PTPRN2: variants seen among roughly 807,000 people sequenced by gnomAD.
The protein encoded by PTPRN2 is protein tyrosine phosphatase receptor type N2, also known as receptor-type tyrosine-protein phosphatase N2.
Under a neutral mutation model 118.8 loss-of-function variants are expected in PTPRN2, and 74 were observed. The ratio of observed to expected loss-of-function variants is 0.62; its 90% CI spans 0.52 to 0.76. PTPRN2 has a LOEUF of 0.76. PTPRN2 is among the 30% of genes least tolerant of loss of function. The pLI is 0.00. For synonymous variants in PTPRN2, 641 were observed against 608.0 expected, an observed-to-expected ratio of 1.05 and a Z score of -0.80; for missense variants, 1,481 against 1,394.4, an observed-to-expected ratio of 1.06 and a Z score of -0.99.
At chr7:157,872,226 T>A (rs1386411261) in intron 12 of PTPRN2, among the ~76,000 whole-genome samples, 1 of 106,388 alleles carries the variant, frequency 9.4e-6, no homozygotes, top group Non-Finnish European at 1.8e-5. Flanking sequence ...CATACACACA[T>A]ACCCAGTGTC....
intron 1 of PTPRN2, among the ~76,000 whole-genome samples, chr7:158,524,604 T>C (rs1344378694): frequency 6.6e-6 from 1 of 152,034 alleles, no homozygotes; most frequent in Non-Finnish European, 1.5e-5. Flanking sequence ...AAGCTGTTGG[T>C]TGTTATGGTC....
chr7:158,079,726 T>C (rs1471004550), intron 11 of PTPRN2, among the ~76,000 whole-genome samples: 1 of 152,208 alleles, frequency 6.6e-6, no homozygotes, highest in Non-Finnish European at 1.5e-5. Context: ...ACAGATGCCA[T>C]GGAGGGAGGG....
chr7:157,902,038 C>T (rs1797491962), intron 11 of PTPRN2, among the ~76,000 whole-genome samples: 2 of 152,228 alleles, frequency 1.3e-5, no homozygotes, highest in South Asian at 4.1e-4. Flanking sequence ...ACACTTCCCC[C>T]AGCTGAAGTG....
intron 12 of PTPRN2, among the ~76,000 whole-genome samples, chr7:157,731,159 C>T (rs1799877068): frequency 1.3e-5 from 2 of 152,158 alleles, no homozygotes; most frequent in South Asian, 4.1e-4. Context: ...TCCTGCTAAC[C>T]TCGTCCAGTT....
At chr7:158,238,427 C>G (rs1313618055) in intron 3 of PTPRN2, among the ~76,000 whole-genome samples, 2 of 152,166 alleles carry the variant, frequency 1.3e-5, no homozygotes, top group Non-Finnish European at 2.9e-5. Context: ...AAGGAAGCCA[C>G]AGCAAGGCTT....
intron 3 of PTPRN2, among the ~76,000 whole-genome samples, chr7:158,293,167 G>A (rs1268125170): frequency 6.6e-6 from 1 of 152,074 alleles, no homozygotes; most frequent in African/African-American, 2.4e-5. Flanking sequence ...GGGTGGGGTG[G>A]GTGAGTGTGA....
intron 11 of PTPRN2, among the ~76,000 whole-genome samples, chr7:158,007,438 A>T (rs1297508932): frequency 6.6e-6 from 1 of 152,124 alleles, no homozygotes; most frequent in Non-Finnish European, 1.5e-5. Flanking sequence ...AGGAGAGAGG[A>T]CAAGGGGAGA....
At chr7:157,985,792 C>T (rs1041685384) in intron 11 of PTPRN2, among the ~76,000 whole-genome samples, 3 of 152,166 alleles carry the variant, frequency 2.0e-5, no homozygotes, top group Non-Finnish European at 2.9e-5. Flanking sequence ...CATCCAAATC[C>T]GGAGAGCAGG....
chr7:157,806,587 T>G (rs772000862), intron 12 of PTPRN2, among the ~76,000 whole-genome samples: 4 of 152,222 alleles, frequency 2.6e-5, no homozygotes, highest in Non-Finnish European at 4.4e-5. Flanking sequence ...TATATGCGTG[T>G]ACATCTGTGT....
chr7:158,018,366 G>A (rs138430541), intron 11 of PTPRN2, among the ~76,000 whole-genome samples: 135 of 149,436 alleles, frequency 9.0e-4, no homozygotes, highest in Non-Finnish European at 1.9e-3. Context: ...GAAGACAGGC[G>A]TAGCGTGCAT....
intron 6 of PTPRN2, among the ~76,000 whole-genome samples, chr7:158,141,022 G>A (rs1380112388): frequency 6.6e-6 from 1 of 152,064 alleles, no homozygotes; most frequent in Non-Finnish European, 1.5e-5. Flanking sequence ...TGACCTCAGT[G>A]GGGTCTCACC....
At chr7:158,250,324 ATTCT>A (rs1246069579) in intron 3 of PTPRN2, among the ~76,000 whole-genome samples, 3 of 152,104 alleles carry the variant, frequency 2.0e-5, no homozygotes, top group African/African-American at 7.2e-5. Context: ...TAATTTTCAG[ATTCT>A]TTCTAATGCA....
intron 2 of PTPRN2, among the ~76,000 whole-genome samples, chr7:158,334,095 G>C (rs1444497450): frequency 5.7e-4 from 44 of 76,888 alleles, no homozygotes; most frequent in South Asian, 1.9e-3. Flanking sequence ...CACCATAAGA[G>C]GTGACACCTG....
chr7:157,872,572 G>A (rs1471099890), intron 12 of PTPRN2, among the ~76,000 whole-genome samples: 1 of 152,244 alleles, frequency 6.6e-6, no homozygotes, highest in African/African-American at 2.4e-5. Context: ...CCTCACAGCT[G>A]TTTCCCCTAC....
In PTPRN2 at chr7:158,319,494, T is replaced by TGATCTCCCTCACACACG. The variant is rs1802676509; in HGVS notation, c.164-2563_164-2562insCGTGTGTGAGGGAGATC. Among the ~76,000 whole-genome samples the TGATCTCCCTCACACACG allele has an allele frequency of 3.1e-4, 11 of 35,234 alleles. 2 individuals are homozygous for TGATCTCCCTCACACACG. 23.1% of individuals were successfully genotyped at this position (35,234 alleles called of 152,430 possible). On this transcript the variant is annotated intron_variant, in intron 2 of 22. Transcript: ENST00000389418. Reference sequence around the variant, plus strand: ...CACACAAGCACAGCCTCCCTCACACTCACACAGCCTCCCCCCACACACACA... The same window carrying TGATCTCCCTCACACACG: ...CACACAAGCACAGCCTCCCTCACACTGATCTCCCTCACACACGCACACAGCCTCCCCCCACACACACA...
intron 16 of PTPRN2, among the ~76,000 whole-genome samples, chr7:157,602,505 G>A (rs1801732533): frequency 6.6e-6 from 1 of 151,892 alleles, no homozygotes; most frequent in Non-Finnish European, 1.5e-5. Flanking sequence ...GCCGAGACCA[G>A]CAGAGCCGAG....
intron 9 of PTPRN2, among the ~76,000 whole-genome samples, chr7:158,119,019 TAA>T (rs1277008976): frequency 6.6e-6 from 1 of 152,192 alleles, no homozygotes; most frequent in Non-Finnish European, 1.5e-5. Flanking sequence ...TCTTTTAATA[TAA>T]GAGATAGCAC....
At chr7:157,563,812 G>A (rs542000717) in intron 21 of PTPRN2, among the ~76,000 whole-genome samples, 6 of 149,362 alleles carry the variant, frequency 4.0e-5, no homozygotes, top group South Asian at 2.1e-4. Context: ...TCAGGACCAC[G>A]TGCTCCCACG....
intron 11 of PTPRN2, among the ~76,000 whole-genome samples, chr7:158,051,874 C>T (rs1322131340): frequency 6.6e-6 from 1 of 152,164 alleles, no homozygotes; most frequent in Non-Finnish European, 1.5e-5. Context: ...GCTTGGCCAG[C>T]TCGAAACACA....
Sources: gnomAD v4.1 joint callset for allele counts (sites outside exome capture counted in the v4.1 genomes callset) on GRCh38, gnomAD v4.1.1 for gene constraint, MANE v1.5 for transcripts, NCBI Gene and HGNC (gene_info 2026-07-23, HGNC 2026-07-21) for gene names.